GRIK2: variants seen among roughly 807,000 people sequenced by gnomAD.
The protein encoded by GRIK2 is glutamate receptor ionotropic, kainate 2.
A neutral mutation model predicts 100.3 loss-of-function variants in GRIK2; 32 were observed. The ratio of observed to expected loss-of-function variants is 0.32; its 90% CI spans 0.24 to 0.43. GRIK2 has a LOEUF of 0.43. Among genes scored for constraint, GRIK2 ranks in the 20% least tolerant of loss-of-function variants. The pLI, the probability that GRIK2 is intolerant of heterozygous loss-of-function variation, is 1.00. For missense variants in GRIK2, 843 were observed against 1,114.9 expected (o/e 0.76, Z 3.47); for synonymous variants, 417 against 389.4 (o/e 1.07, Z -0.83).
chr6:101,683,349 AT>A (rs1265349369), intron 6 of GRIK2, among the ~76,000 whole-genome samples: 1 of 152,158 alleles, frequency 6.6e-6, no homozygotes, highest in African/African-American at 2.4e-5. Context: ...ATTTAGTTAG[AT>A]TTTTTAAAAA....
At chr6:101,621,864 C>A in intron 2 of GRIK2, 85 bp from the exon 3 acceptor site, 1 of 917,716 alleles carries the variant, frequency 1.1e-6, no homozygotes, top group South Asian at 1.4e-5. Context: ...TATAAAAGTA[C>A]AGAAAACTTC....
intron 4 of GRIK2, among the ~76,000 whole-genome samples, chr6:101,669,007 A>T: frequency 6.6e-6 from 1 of 152,328 alleles, no homozygotes; most frequent in Non-Finnish European, 1.5e-5. Flanking sequence ...AGGTTAAAAA[A>T]AAATAACAGT....
chr6:101,517,359 T>C (rs1341739416), intron 2 of GRIK2, among the ~76,000 whole-genome samples: 1 of 152,092 alleles, frequency 6.6e-6, no homozygotes, highest in African/African-American at 2.4e-5. Flanking sequence ...GTTAAGCGAA[T>C]TATATTGTTT....
At chr6:101,401,363 A>C (rs888869836) in intron 2 of GRIK2, among the ~76,000 whole-genome samples, 1 of 152,120 alleles carries the variant, frequency 6.6e-6, no homozygotes. Context: ...GCTTTCCAAA[A>C]GAGCTCTCTC....
At chr6:101,409,136 G>C (rs1355158557) in intron 2 of GRIK2, among the ~76,000 whole-genome samples, 1 of 150,482 alleles carries the variant, frequency 6.6e-6, no homozygotes, top group African/African-American at 2.4e-5. Flanking sequence ...GTGTGTGTGT[G>C]TGTGTGTGTG....
intron 2 of GRIK2, among the ~76,000 whole-genome samples, chr6:101,472,556 C>G (rs1772001527): frequency 6.6e-6 from 1 of 151,678 alleles, no homozygotes; most frequent in Non-Finnish European, 1.5e-5. Context: ...GAAAGCCTCC[C>G]CTCCCATGGC....
intron 13 of GRIK2, among the ~76,000 whole-genome samples, chr6:101,925,621 C>A (rs1451151137): frequency 6.6e-6 from 1 of 150,572 alleles, no homozygotes; most frequent in Non-Finnish European, 1.5e-5. Flanking sequence ...GCAAAAAAAT[C>A]CCAAATTTGA....
At chr6:101,958,257 G>GTGTGTGTGTGTGTGTGTT (rs1305239220) in intron 14 of GRIK2, among the ~76,000 whole-genome samples, 1 of 143,006 alleles carries the variant, frequency 7.0e-6, no homozygotes, top group Admixed American at 6.8e-5. Flanking sequence ...ACATATTTGT[G>GTGTGTGTGTGTGTGTGTT]TGTGTGTGTG....
chr6:101,925,137 G>T (rs1240954492), intron 13 of GRIK2, among the ~76,000 whole-genome samples: 1 of 152,038 alleles, frequency 6.6e-6, no homozygotes, highest in African/African-American at 2.4e-5. Context: ...GTGATTAGAT[G>T]CATTTGTATT....
intron 4 of GRIK2, among the ~76,000 whole-genome samples, chr6:101,659,346 C>A (rs962627644): frequency 1.3e-5 from 2 of 152,072 alleles, no homozygotes; most frequent in African/African-American, 4.8e-5. Flanking sequence ...ATTTCTGAGG[C>A]CTCGTTCTGT....
intron 2 of GRIK2, among the ~76,000 whole-genome samples, chr6:101,532,714 T>C (rs949021997): frequency 2.0e-5 from 3 of 151,634 alleles, no homozygotes; most frequent in South Asian, 2.1e-4. Context: ...TATATGTATA[T>C]ATATATAATG....
At chr6:101,494,985 A>ATG (rs1227996657) in intron 2 of GRIK2, among the ~76,000 whole-genome samples, 1 of 145,244 alleles carries the variant, frequency 6.9e-6, no homozygotes, top group African/African-American at 2.5e-5. Flanking sequence ...ATATATATAT[A>ATG]TATATATATA....
intron 7 of GRIK2, among the ~76,000 whole-genome samples, chr6:101,751,251 T>C (rs899190415): frequency 1.3e-5 from 2 of 152,020 alleles, no homozygotes; most frequent in African/African-American, 4.8e-5. Context: ...TTTCTAAATT[T>C]CTTTTTTTTT....
At chr6:101,946,141 A>G (rs900678012) in intron 14 of GRIK2, among the ~76,000 whole-genome samples, 1 of 152,106 alleles carries the variant, frequency 6.6e-6, no homozygotes, top group African/African-American at 2.4e-5. Context: ...AGGTGTTTTG[A>G]GATTAGTAAA....
intron 4 of GRIK2, among the ~76,000 whole-genome samples, chr6:101,630,677 C>A (rs1295848996): frequency 6.6e-6 from 1 of 151,840 alleles, no homozygotes; most frequent in African/African-American, 2.4e-5. Context: ...TAGAATTCAG[C>A]AAAGAGAATT....
In GRIK2 at chr6:101,818,141, A is replaced by G. The variant is rs1258403567; in HGVS notation, c.1204-229A>G. 2.0e-5 allele frequency among the ~76,000 whole-genome samples: 3 copies of G among 152,318 alleles called. No homozygotes were observed. In the East Asian group the frequency reaches 5.8e-4, roughly 29 times the overall value. On this transcript the variant is annotated intron_variant, in intron 9 of 16. Coordinates refer to ENST00000369134, the MANE Select transcript of GRIK2 (RefSeq NM_021956.5). ...AGCTTGAATGGAAAATTAAGCTCCC[A>G]CACTGACTGGAGAAGTTCAGTGGAT...
intron 12 of GRIK2, among the ~76,000 whole-genome samples, chr6:101,919,477 G>T (rs75627854): frequency 0.026 from 3,911 of 151,846 alleles, 80 homozygotes; most frequent in Middle Eastern, 0.041. Flanking sequence ...GATAATATGG[G>T]GGAAGTTATT....
intron 2 of GRIK2, among the ~76,000 whole-genome samples, chr6:101,589,671 T>C (rs764490701): frequency 6.6e-6 from 1 of 152,150 alleles, no homozygotes; most frequent in Non-Finnish European, 1.5e-5. Context: ...GTTGAGAACA[T>C]TTACACCTCA....
intron 14 of GRIK2, among the ~76,000 whole-genome samples, chr6:101,977,147 G>C (rs1338280691): frequency 6.6e-6 from 1 of 151,650 alleles, no homozygotes; most frequent in African/African-American, 2.4e-5. Flanking sequence ...GAACTAAATA[G>C]GAGAGGGATT....
Sources: gnomAD v4.1 joint callset for allele counts (sites outside exome capture counted in the v4.1 genomes callset) on GRCh38, gnomAD v4.1.1 for gene constraint, MANE v1.5 for transcripts, NCBI Gene and HGNC (gene_info 2026-07-23, HGNC 2026-07-21) for gene names.